Variants in NPHP4 observed in about 807,000 individuals in gnomAD.
NPHP4 encodes nephrocystin-4.
NPHP4 carries 151 observed loss-of-function variants against 155.8 expected under a neutral mutation model. That is an observed-to-expected ratio of 0.97 (90% CI 0.85 to 1.11). The LOEUF (loss-of-function observed/expected upper bound fraction) is 1.11, where lower values mean the gene tolerates loss of function less well. NPHP4 is among the 50% of genes least tolerant of loss of function. The pLI is 0.00. For missense variants in NPHP4, 1,956 were observed against 1,925.7 expected, an observed-to-expected ratio of 1.02 and a Z score of -0.29; for synonymous variants, 845 against 816.8, an observed-to-expected ratio of 1.03 and a Z score of -0.59.
chr1:5,981,359 T>G (rs1431108140), intron 2 of NPHP4, among the ~76,000 whole-genome samples: 1 of 152,044 alleles, frequency 6.6e-6, no homozygotes, highest in Non-Finnish European at 1.5e-5. Flanking sequence ...TAGGGCAGAG[T>G]CAACTCTGTG....
In NPHP4 at chr1:5,875,048, G is replaced by A; in HGVS notation, c.2870C>T (p.Ala957Val). The change falls in exon 21 of 30, where the codon GCC (alanine) becomes GTC (valine). Residue 957 changes from alanine to valine, a missense_variant. Ala to Val is a moderately conservative substitution (Grantham distance 64, BLOSUM62 0). Coordinates refer to ENST00000378156, the MANE Select transcript of NPHP4 (RefSeq NM_015102.5). ...CTCGGCCTTCGTGCGTTCCCGGTAGGCGGCGATGACCTGTAGGTCCCGCAA... is the reference window on the plus strand; with the variant it reads ...CTCGGCCTTCGTGCGTTCCCGGTAGACGGCGATGACCTGTAGGTCCCGCAA... ...QHLRDLQVIA[A>V]YRERTKAESI... The A allele has an allele frequency of 3.1e-6, 5 of 1,608,528 alleles. No homozygotes were observed. The highest frequency in any genetic ancestry group is 3.4e-6 in the Non-Finnish European group (4 of 1,179,840).
At chr1:5,883,698 T>C (rs912799126) in intron 18 of NPHP4, among the ~76,000 whole-genome samples, 1 of 152,240 alleles carries the variant, frequency 6.6e-6, no homozygotes, top group Non-Finnish European at 1.5e-5. Context: ...CAGCCCAGAA[T>C]GCTCCATAGC....
intron 10 of NPHP4, among the ~76,000 whole-genome samples, chr1:5,929,282 C>T (rs188356857): frequency 8.7e-4 from 133 of 152,230 alleles, no homozygotes; most frequent in African/African-American, 3.2e-3. Context: ...ATGTGTAGGT[C>T]TTTTGTTTTC....
At chr1:5,956,862 A>G (rs998370182) in intron 6 of NPHP4, among the ~76,000 whole-genome samples, 2 of 152,162 alleles carry the variant, frequency 1.3e-5, no homozygotes, top group East Asian at 1.9e-4. Context: ...ATTGTCCCCA[A>G]TTTATAAAGG....
At chr1:5,893,642 G>A (rs1214729069) in intron 16 of NPHP4, among the ~76,000 whole-genome samples, 2 of 152,240 alleles carry the variant, frequency 1.3e-5, no homozygotes, top group African/African-American at 2.4e-5. Context: ...GAGACGGTTA[G>A]GCCTCCGGAT....
At chr1:5,873,473 A>G (rs1642224700) in intron 22 of NPHP4, 138 bp from the exon 23 acceptor site, 2 of 698,244 alleles carry the variant, frequency 2.9e-6, no homozygotes, top group Non-Finnish European at 5.1e-6. Context: ...AGCAACCATC[A>G]CCAACCGGCC....
At chr1:5,963,178 T>G (rs1433026755) in intron 5 of NPHP4, among the ~76,000 whole-genome samples, 1 of 152,256 alleles carries the variant, frequency 6.6e-6, no homozygotes, top group South Asian at 2.1e-4. Context: ...GTGGATCACC[T>G]GAGGCCAGGA....
At chr1:5,942,914 G>A (rs935019631) in intron 9 of NPHP4, among the ~76,000 whole-genome samples, 3 of 151,774 alleles carry the variant, frequency 2.0e-5, no homozygotes, top group African/African-American at 7.3e-5. Flanking sequence ...GACATGAAAC[G>A]CAGCCAAGAC....
At chr1:5,865,416 G>C (rs1641113305) in intron 26 of NPHP4, 143 bp from the exon 27 acceptor site, 2 of 707,662 alleles carry the variant, frequency 2.8e-6, no homozygotes, top group African/African-American at 3.6e-5. Context: ...AGGAGGCAGA[G>C]CTGGGGCCAC....
At chr1:5,879,269 A>C (rs1224454632) in intron 19 of NPHP4, 1 of 280,006 alleles carries the variant, frequency 3.6e-6, no homozygotes, top group African/African-American at 2.2e-5. Flanking sequence ...ACCTCTGGGG[A>C]AAATGCTCCT....
rs1389043961 is a variant in NPHP4, at chr1:5,865,268, C to T, written c.3650G>A (p.Arg1217His). The T allele has an allele frequency of 3.9e-6, 6 of 1,556,862 alleles. No homozygotes were observed. Among genetic ancestry groups the T allele is most frequent in the Admixed American group, 1.8e-5 (1 of 55,650 alleles). ...CGTCTGTGTGGGTGTCGCCAGCCAG[C>T]GATCCCTGCAGTGGGATGGGAGCCA... is the stretch of plus-strand genomic sequence containing the variant. ...KDFFVIIYSD[R>H]WLATPTQTWQ... Residue 1217 changes from arginine to histidine, a missense_variant, in exon 27 of 30, where the codon CGC (arginine) becomes CAC (histidine). Arg to His is a conservative substitution (Grantham distance 29, BLOSUM62 0). Transcript: ENST00000378156.
Position 5,920,190 on chromosome 1 carries a change from C to CA in NPHP4, c.1441+7458dup, listed in dbSNP as rs1279410282. On this transcript the variant is annotated intron_variant, in intron 11 of 29. Coordinates refer to ENST00000378156, the MANE Select transcript of NPHP4 (RefSeq NM_015102.5). ...TCATGATATGCCCGCCTGAACCTCC[C>CA]AAAGTGCTGGGATTACAGGCATGAG... Among the ~76,000 whole-genome samples, 10 of 152,302 alleles carry CA rather than the reference C, an allele frequency of 6.6e-5. No individual in the cohort carries two copies. In the South Asian group the frequency reaches 2.1e-3, roughly 32 times the overall value.
intron 18 of NPHP4, chr1:5,881,964 C>T (rs1337048260): frequency 2.6e-5 from 4 of 152,288 alleles, no homozygotes; most frequent in African/African-American, 9.6e-5. Context: ...TGCAGAATTC[C>T]CTGGCTCAGC....
chr1:5,879,788 CACACACGCAA>C (rs1184275647), intron 19 of NPHP4, among the ~76,000 whole-genome samples: 6 of 129,798 alleles, frequency 4.6e-5, no homozygotes, highest in African/African-American at 2.1e-4. Flanking sequence ...CACACACACA[CACACACGCAA>C]ACACACACAC....
chr1:5,944,245 G>C lies in NPHP4; in HGVS notation c.1119+2859C>G, dbSNP rs1294602035. Among the ~76,000 whole-genome samples, 1 of 152,152 alleles carries C rather than the reference G, an allele frequency of 6.6e-6. No homozygotes were observed. Among genetic ancestry groups the C allele is most frequent in the Non-Finnish European group, 1.5e-5 (1 of 68,024 alleles). ...GTGCTTACAGCTTCCACCACGCAGG[G>C]TCCTCACCAAAGACAAGGAGGAGGA... is the stretch of plus-strand genomic sequence containing the variant. On this transcript the variant is annotated intron_variant, in intron 9 of 29. Transcript: ENST00000378156. The surrounding 1 kb of genome is among the most constrained non-coding windows in gnomAD (Gnocchi z 4.3).
chr1:5,866,475 C>A lies in NPHP4; in HGVS notation c.3559-17G>T. On this transcript the variant is annotated splice_polypyrimidine_tract_variant and intron_variant, in intron 25 of 29. Transcript: ENST00000378156. ...CCCGGGGCCCTGCCAACCAGATGTG[C>A]AGCACATCAGGGCACACAGTGCTCT... is the stretch of plus-strand genomic sequence containing the variant. 1 of 1,495,816 alleles carries A rather than the reference C, an allele frequency of 6.7e-7. No individual in the cohort carries two copies. The allele number at this position is 1,495,816 out of a possible 1,614,324, so 92.7% of individuals were successfully genotyped here. A position where few individuals can be genotyped will look rare whatever the true frequency, so the allele number is the denominator to read the frequency against.
chr1:5,977,710 A>G (rs1217099092), intron 3 of NPHP4, among the ~76,000 whole-genome samples: 1 of 149,868 alleles, frequency 6.7e-6, no homozygotes, highest in Admixed American at 6.7e-5. Flanking sequence ...CACCTGAGTG[A>G]AAACACGCTG....
chr1:5,988,167 C>T (rs999456081), intron 1 of NPHP4, among the ~76,000 whole-genome samples: 4 of 152,216 alleles, frequency 2.6e-5, no homozygotes, highest in Admixed American at 1.3e-4. Context: ...TGTCAGAGCA[C>T]GAAGAGTTCA....
At chr1:5,953,621 G>T (rs1648622034) in intron 6 of NPHP4, among the ~76,000 whole-genome samples, 1 of 152,240 alleles carries the variant, frequency 6.6e-6, no homozygotes, top group Non-Finnish European at 1.5e-5. Context: ...GCAAAATACA[G>T]CCTGAACGGC....
Sources: gnomAD v4.1 joint callset for allele counts (sites outside exome capture counted in the v4.1 genomes callset) on GRCh38, gnomAD v4.1.1 for gene constraint, Gnocchi (gnomAD v3.1) non-coding constraint, MANE v1.5 for transcripts, NCBI Gene and HGNC (gene_info 2026-07-23, HGNC 2026-07-21) for gene names.